The following PRKCA variants were observed in gnomAD, a reference collection of about 807,000 sequenced individuals.
PRKCA encodes protein kinase C alpha type.
PRKCA carries 27 observed loss-of-function variants against 87.0 expected under a neutral mutation model. The ratio of observed to expected loss-of-function variants is 0.31; its 90% CI spans 0.23 to 0.43. The LOEUF (loss-of-function observed/expected upper bound fraction) is 0.43, where lower values mean the gene tolerates loss of function less well. Ranked by LOEUF, PRKCA falls within the 20% of genes least tolerant of loss-of-function variation. The pLI, the probability that PRKCA is intolerant of heterozygous loss-of-function variation, is 1.00. For synonymous variants in PRKCA, 329 were observed against 311.1 expected (o/e 1.06, Z -0.61); for missense variants, 518 against 852.3 (o/e 0.61, Z 4.88).
chr17:66,678,707 T>C (rs1300925715), intron 5 of PRKCA, among the ~76,000 whole-genome samples: 6 of 151,966 alleles, frequency 3.9e-5, no homozygotes. Flanking sequence ...AACAGGCTTC[T>C]CGTAGTATGC....
intron 3 of PRKCA, among the ~76,000 whole-genome samples, chr17:66,550,880 G>A (rs1156696896): frequency 3.3e-5 from 5 of 152,156 alleles, no homozygotes; most frequent in South Asian, 2.1e-4. Flanking sequence ...GGGGAGCTGT[G>A]TGTGTTTTAT....
chr17:66,354,820 A>G (rs1712100965), intron 2 of PRKCA, among the ~76,000 whole-genome samples: 1 of 152,180 alleles, frequency 6.6e-6, no homozygotes, highest in Non-Finnish European at 1.5e-5. Flanking sequence ...CTGCAAAAGG[A>G]TGATCAAACA....
At chr17:66,776,072 C>G (rs956858319) in intron 14 of PRKCA, among the ~76,000 whole-genome samples, 1 of 152,186 alleles carries the variant, frequency 6.6e-6, no homozygotes, top group Non-Finnish European at 1.5e-5. Flanking sequence ...GGCCCTAAGG[C>G]CAGGGAATGT....
intron 3 of PRKCA, among the ~76,000 whole-genome samples, chr17:66,561,047 C>T (rs1598770144): frequency 2.0e-5 from 3 of 152,126 alleles, no homozygotes; most frequent in East Asian, 1.9e-4. Context: ...GAAGTACTAG[C>T]GAGTTGACTG....
At chr17:66,314,875 ATGTGTGTGTGTGTG>A (rs56889057) in intron 2 of PRKCA, among the ~76,000 whole-genome samples, 3 of 148,560 alleles carry the variant, frequency 2.0e-5, no homozygotes, top group Non-Finnish European at 4.5e-5. Context: ...ATATATATAT[ATGTGTGTGTGTGTG>A]TGTGTGTGTG....
chr17:66,603,101 A>T (rs1013493155), intron 3 of PRKCA, among the ~76,000 whole-genome samples: 1 of 152,170 alleles, frequency 6.6e-6, no homozygotes, highest in Non-Finnish European at 1.5e-5. Context: ...GCCTTACAGC[A>T]CTACCATCCA....
chr17:66,724,295 C>CA (rs11445685), intron 8 of PRKCA, among the ~76,000 whole-genome samples: 38,759 of 137,070 alleles, frequency 0.28, 5,879 homozygotes, highest in African/African-American at 0.44. Context: ...GACTCCATCT[C>CA]AAAAAAAAAA....
chr17:66,579,145 G>A (rs1969338676), intron 3 of PRKCA, among the ~76,000 whole-genome samples: 2 of 152,214 alleles, frequency 1.3e-5, no homozygotes, highest in Admixed American at 6.5e-5. Context: ...GAGAGCAAGA[G>A]AAGTGGCTTT....
At chr17:66,493,771 TA>T (rs1916347134) in intron 2 of PRKCA, among the ~76,000 whole-genome samples, 1 of 152,192 alleles carries the variant, frequency 6.6e-6, no homozygotes, top group Non-Finnish European at 1.5e-5. Context: ...AGATGCTCAG[TA>T]AATGGTGCTG....
intron 3 of PRKCA, among the ~76,000 whole-genome samples, chr17:66,569,694 C>A (rs1969012498): frequency 6.6e-6 from 1 of 152,106 alleles, no homozygotes; most frequent in African/African-American, 2.4e-5. Context: ...AAGTGTTCAA[C>A]CTGGGTCATC....
intron 2 of PRKCA, among the ~76,000 whole-genome samples, chr17:66,456,705 A>G (rs1437651101): frequency 6.6e-6 from 1 of 152,198 alleles, no homozygotes; most frequent in Non-Finnish European, 1.5e-5. Context: ...GGCAGAAAAG[A>G]CAAAGGCCAA....
At chr17:66,451,343 AATTTATTTATTT>A (rs60875203) in intron 2 of PRKCA, among the ~76,000 whole-genome samples, 24,867 of 144,828 alleles carry the variant, frequency 0.17, 2,221 homozygotes, top group Middle Eastern at 0.19. Context: ...ACGGAGTTAG[AATTTATTTATTT>A]ATTTATTTAT....
intron 3 of PRKCA, among the ~76,000 whole-genome samples, chr17:66,516,960 C>A (rs1010699255): frequency 1.3e-5 from 2 of 152,182 alleles, no homozygotes; most frequent in African/African-American, 4.8e-5. Flanking sequence ...TAGCTCAGCT[C>A]CTCCTGTGCC....
At chr17:66,530,264 A>G (rs1567878869) in intron 3 of PRKCA, among the ~76,000 whole-genome samples, 1 of 152,190 alleles carries the variant, frequency 6.6e-6, no homozygotes, top group African/African-American at 2.4e-5. Context: ...GAATAAACAC[A>G]TGAATGTATT....
intron 8 of PRKCA, among the ~76,000 whole-genome samples, chr17:66,692,622 C>T (rs1972815059): frequency 1.3e-5 from 2 of 152,278 alleles, no homozygotes; most frequent in East Asian, 1.9e-4. Flanking sequence ...ATTTGAGGCA[C>T]CTCTTTGAGC....
At chr17:66,501,981 G>A (rs1916753499) in intron 3 of PRKCA, among the ~76,000 whole-genome samples, 2 of 152,210 alleles carry the variant, frequency 1.3e-5, no homozygotes, top group South Asian at 2.1e-4. Flanking sequence ...GTGGTGTGGG[G>A]TCTGCAGGGC....
intron 2 of PRKCA, among the ~76,000 whole-genome samples, chr17:66,480,549 C>T (rs1217557950): frequency 6.6e-6 from 1 of 152,150 alleles, no homozygotes; most frequent in Non-Finnish European, 1.5e-5. Context: ...GTATTTGTCT[C>T]TAAGAATTAA....
At chr17:66,693,723 TA>T (rs1353236940) in intron 8 of PRKCA, among the ~76,000 whole-genome samples, 1 of 152,210 alleles carries the variant, frequency 6.6e-6, no homozygotes, top group East Asian at 1.9e-4. Context: ...AGTCAGATAA[TA>T]AATATTTTAG....
chr17:66,448,336 G>A (rs1193962794), intron 2 of PRKCA, among the ~76,000 whole-genome samples: 3 of 152,158 alleles, frequency 2.0e-5, no homozygotes, highest in Non-Finnish European at 4.4e-5. Context: ...GAATTTTGCT[G>A]CCTTGGAGCT....
Sources: allele counts gnomAD v4.1 joint callset (sites outside exome capture counted in the v4.1 genomes callset), GRCh38; gene constraint gnomAD v4.1.1; transcripts MANE v1.5; gene names NCBI Gene and HGNC (gene_info 2026-07-23, HGNC 2026-07-21).